MEF2A: variants seen among roughly 807,000 people sequenced by gnomAD.
MEF2A encodes the protein myocyte enhancer factor 2A.
Under a neutral mutation model 55.8 loss-of-function variants are expected in MEF2A, and 28 were observed. The observed-to-expected ratio is 0.50, with a 90% confidence interval of 0.37 to 0.69. MEF2A has a LOEUF of 0.69. Ranked by LOEUF, MEF2A falls within the 30% of genes least tolerant of loss-of-function variation. MEF2A has a pLI of 0.00. For synonymous variants in MEF2A, 239 were observed against 227.1 expected (o/e 1.05, Z -0.47); for missense variants, 528 against 626.2 (o/e 0.84, Z 1.67).
intron 4 of MEF2A, among the ~76,000 whole-genome samples, chr15:99,667,178 C>T (rs958966539): frequency 2.6e-5 from 4 of 152,068 alleles, no homozygotes; most frequent in African/African-American, 7.2e-5. Flanking sequence ...GTTTCACACT[C>T]GTAAGTGGTA....
chr15:99,695,541 T>TGTGTGTGTGTG (rs1555498137), intron 8 of MEF2A, among the ~76,000 whole-genome samples: 2 of 144,778 alleles, frequency 1.4e-5, no homozygotes, highest in Non-Finnish European at 3.0e-5. Context: ...ATTGTCAGAT[T>TGTGTGTGTGTG]TGTGTGTGTG....
At chr15:99,568,033 A>C (rs533314980) in intron 1 of MEF2A, among the ~76,000 whole-genome samples, 60 of 152,318 alleles carry the variant, frequency 3.9e-4, no homozygotes, top group African/African-American at 1.4e-3. Flanking sequence ...GTGACTGTGA[A>C]GTAATGGTGA....
chr15:99,699,629 A>C (rs1376531744), intron 8 of MEF2A, among the ~76,000 whole-genome samples: 1 of 152,208 alleles, frequency 6.6e-6, no homozygotes, highest in Non-Finnish European at 1.5e-5. Flanking sequence ...AAGTAACATG[A>C]TATTGAAGGG....
intron 2 of MEF2A, among the ~76,000 whole-genome samples, chr15:99,611,596 C>T (rs1939126698): frequency 6.6e-6 from 1 of 152,144 alleles, no homozygotes; most frequent in Admixed American, 6.5e-5. Flanking sequence ...CTTCAGACTC[C>T]TTAGAGAGTA....
intron 1 of MEF2A, among the ~76,000 whole-genome samples, chr15:99,586,248 C>T (rs921093827): frequency 3.3e-5 from 5 of 152,118 alleles, no homozygotes; most frequent in African/African-American, 1.2e-4. Context: ...TCATAAGAAA[C>T]TGTGCAACTG....
At chr15:99,614,346 C>G (rs967574405) in intron 2 of MEF2A, among the ~76,000 whole-genome samples, 2 of 152,140 alleles carry the variant, frequency 1.3e-5, no homozygotes, top group African/African-American at 4.8e-5. Flanking sequence ...ACCTCACCGT[C>G]CCAAAGTGCT....
chr15:99,645,470 C>T, intron 3 of MEF2A, 91 bp from the exon 4 acceptor site: 1 of 933,192 alleles, frequency 1.1e-6, no homozygotes, highest in Non-Finnish European at 1.6e-6. Context: ...TGAAATCTGG[C>T]TCAGTATTAA....
At chr15:99,683,752 G>A (rs180899056) in intron 7 of MEF2A, among the ~76,000 whole-genome samples, 1 of 151,324 alleles carries the variant, frequency 6.6e-6, no homozygotes, top group East Asian at 1.9e-4. Context: ...AGTTTTGGGG[G>A]AACAAGTGGT....
At chr15:99,630,128 C>G (rs905220371) in intron 2 of MEF2A, among the ~76,000 whole-genome samples, 1 of 151,686 alleles carries the variant, frequency 6.6e-6, no homozygotes, top group Non-Finnish European at 1.5e-5. Context: ...ATCTGTGGCT[C>G]GATGTCTCAT....
Position 99,634,857 on chromosome 15 carries a change from G to A in MEF2A, c.54+1684G>A, listed in dbSNP as rs2043510530. Among the ~76,000 whole-genome samples, 3 of 152,296 alleles carry A rather than the reference G, an allele frequency of 2.0e-5. No individual in the cohort carries two copies. The South Asian group carries it at 6.2e-4, about 32-fold the overall frequency. On this transcript the variant is annotated intron_variant, in intron 3 of 11. Transcript: ENST00000557942. ...CTGAATTTCTGTCTCAGATAATTTT[G>A]GCAAAGATTGGAGAAAAGACATAAA...
chr15:99,616,174 AAAAT>A (rs1356283978), intron 2 of MEF2A, among the ~76,000 whole-genome samples: 6 of 152,174 alleles, frequency 3.9e-5, no homozygotes, highest in Non-Finnish European at 7.4e-5. Context: ...GAGATACTTA[AAAAT>A]AAATAATAGG....
intron 7 of MEF2A, among the ~76,000 whole-genome samples, chr15:99,684,958 C>T (rs2053932887): frequency 6.6e-6 from 1 of 152,096 alleles, no homozygotes; most frequent in African/African-American, 2.4e-5. Flanking sequence ...TGTCTTTTCC[C>T]TACTTTATGT....
intron 8 of MEF2A, among the ~76,000 whole-genome samples, chr15:99,691,452 C>T (rs371732674): frequency 6.6e-6 from 1 of 152,154 alleles, no homozygotes; most frequent in East Asian, 1.9e-4. Context: ...AATCCCAGCA[C>T]TTTGGGATGC....
intron 2 of MEF2A, among the ~76,000 whole-genome samples, chr15:99,611,210 C>A (rs1977157623): frequency 6.6e-6 from 1 of 152,144 alleles, no homozygotes; most frequent in Non-Finnish European, 1.5e-5. Context: ...CCACTGGACT[C>A]CAGCCTGGAT....
At position 99,712,121 on chromosome 15, in the gene MEF2A, T is replaced by C. The variant is rs1434570870; in HGVS notation, c.1137-269T>C. ...ACAGCATTAAGACACTGACATTGTTTTGTATACTTTAGCTGCAAAAGTACC... is the reference window on the plus strand; with the variant it reads ...ACAGCATTAAGACACTGACATTGTTCTGTATACTTTAGCTGCAAAAGTACC... On this transcript the variant is annotated intron_variant, in intron 11 of 11. Transcript: ENST00000557942. The surrounding 1 kb of genome is among the most constrained non-coding windows in gnomAD (Gnocchi z 4.1). Among the ~76,000 whole-genome samples the C allele has an allele frequency of 6.6e-6, 1 of 152,222 alleles. No homozygotes were observed. The highest frequency in any genetic ancestry group is 6.5e-5 in the Admixed American group (1 of 15,288).
intron 3 of MEF2A, among the ~76,000 whole-genome samples, chr15:99,639,743 C>T (rs981663553): frequency 2.6e-5 from 4 of 152,138 alleles, no homozygotes; most frequent in Non-Finnish European, 4.4e-5. Flanking sequence ...TCTGTCTTGT[C>T]TGCCTTTCTT....
chr15:99,691,312 A>G (rs1465430688), intron 8 of MEF2A, among the ~76,000 whole-genome samples: 5 of 152,180 alleles, frequency 3.3e-5, no homozygotes, highest in Admixed American at 1.3e-4. Flanking sequence ...AGCATTAACC[A>G]TGACTTATTT....
rs1414902883 is a variant in MEF2A, at chr15:99,716,366, C to T, written c.*3595C>T. 5.6e-6 allele frequency: 2 copies of T among 357,158 alleles called. No homozygotes were observed. The highest frequency in any genetic ancestry group is 2.1e-5 in the African/African-American group (1 of 46,692). The allele number at this position is 357,158 out of a possible 1,614,324, so 22.1% of individuals were successfully genotyped here. Reference sequence around the variant, plus strand: ...ATTTTTCCCTGAATGTGTTGTTTTTCTTCATTATACAATAAATATAATAGT... The same window carrying T: ...ATTTTTCCCTGAATGTGTTGTTTTTTTTCATTATACAATAAATATAATAGT... On this transcript the variant is annotated 3_prime_UTR_variant, in exon 12 of 12. Coordinates refer to ENST00000557942, the MANE Select transcript of MEF2A (RefSeq NM_001319206.4).
At chr15:99,685,466 C>T (rs1456798381) in intron 7 of MEF2A, among the ~76,000 whole-genome samples, 2 of 151,334 alleles carry the variant, frequency 1.3e-5, no homozygotes, top group African/African-American at 2.4e-5. Context: ...TTGCAAAAAG[C>T]GTTGAGTTCT....
Sources: gnomAD v4.1 joint callset for allele counts (sites outside exome capture counted in the v4.1 genomes callset) on GRCh38, gnomAD v4.1.1 for gene constraint, Gnocchi (gnomAD v3.1) non-coding constraint, MANE v1.5 for transcripts, NCBI Gene and HGNC (gene_info 2026-07-23, HGNC 2026-07-21) for gene names.